ARID2: variants seen among roughly 807,000 people sequenced by gnomAD.
The protein encoded by ARID2 is AT-rich interaction domain 2.
A neutral mutation model predicts 184.6 loss-of-function variants in ARID2; 32 were observed. The ratio of observed to expected loss-of-function variants is 0.17; its 90% confidence interval spans 0.13 to 0.23. The LOEUF (loss-of-function observed/expected upper bound fraction) is 0.23, where lower values mean the gene tolerates loss of function less well. ARID2 is among the 10% of genes least tolerant of loss of function. The pLI, the probability that ARID2 is intolerant of heterozygous loss-of-function variation, is 1.00. For synonymous variants in ARID2, 836 were observed against 772.6 expected, an observed-to-expected ratio of 1.08 and a Z score of -1.36; for missense variants, 1,696 against 2,197.6, an observed-to-expected ratio of 0.77 and a Z score of 4.56.
rs533635070 is a variant in ARID2 at position 45,838,965 on chromosome 12, A to G, written c.1331-364A>G. On this transcript the variant is annotated intron_variant, in intron 10 of 20. Coordinates refer to ENST00000334344, the MANE Select transcript of ARID2 (RefSeq NM_152641.4). ...ACTGCAAGCTCCGCCTCCTGGGTTC[A>G]TGCCATTCTCCTGCCTCAGCCTTCC... Among the ~76,000 whole-genome samples, 300 of 150,248 alleles carry G rather than the reference A, an allele frequency of 2.0e-3. 2 individuals are homozygous for G. The highest frequency in any genetic ancestry group is 7.1e-3 in the African/African-American group (290 of 40,768).
intron 16 of ARID2, among the ~76,000 whole-genome samples, chr12:45,886,512 G>GTA: frequency 6.6e-6 from 1 of 152,338 alleles, no homozygotes; most frequent in African/African-American, 2.4e-5. Context: ...GCTCCACTAG[G>GTA]TAGTGTCCCA....
At chr12:45,791,741 G>A (rs565927965) in intron 3 of ARID2, among the ~76,000 whole-genome samples, 13 of 152,142 alleles carry the variant, frequency 8.5e-5, no homozygotes, top group Non-Finnish European at 1.8e-4. Context: ...ACTCACAGGC[G>A]TGCATCACTG....
chr12:45,747,992 G>T (rs576280600), intron 3 of ARID2, among the ~76,000 whole-genome samples: 1 of 152,198 alleles, frequency 6.6e-6, no homozygotes, highest in South Asian at 2.1e-4. Context: ...TGAATTTTTT[G>T]GTTTCCCAGT....
In ARID2 at chr12:45,863,214, T is replaced by G. The variant is rs547277650; in HGVS notation, c.4922+2265T>G. ...GGAATTTTTCATGCTAAAATAAACC[T>G]GTCAGAATGTTAAGAGCAAGCACAG... On this transcript the variant is annotated intron_variant, in intron 16 of 20. Coordinates refer to ENST00000334344, the MANE Select transcript of ARID2 (RefSeq NM_152641.4). Among the ~76,000 whole-genome samples the G allele has an allele frequency of 2.6e-5, 4 of 152,324 alleles. No individual in the cohort carries two copies. The East Asian group carries it at 7.7e-4, about 29-fold the overall frequency.
intron 3 of ARID2, among the ~76,000 whole-genome samples, chr12:45,750,166 G>A (rs774678590): frequency 6.6e-6 from 1 of 152,146 alleles, no homozygotes; most frequent in South Asian, 2.1e-4. Flanking sequence ...TCACTTGAAC[G>A]CTTAGAGGCC....
At chr12:45,800,529 T>C (rs1565600984) in intron 3 of ARID2, among the ~76,000 whole-genome samples, 1 of 152,084 alleles carries the variant, frequency 6.6e-6, no homozygotes, top group Non-Finnish European at 1.5e-5. Flanking sequence ...AACGTGTGCA[T>C]GCATTTGTTT....
chr12:45,851,996 A>G lies in ARID2; in HGVS notation c.3873A>G (p.Gly1291=), dbSNP rs765662714. 6.2e-7 allele frequency: 1 copy of G among 1,614,162 alleles called. No individual in the cohort carries two copies. Among genetic ancestry groups the G allele is most frequent in the African/African-American group, 1.3e-5 (1 of 75,066 alleles). The change falls in exon 15 of 21, where the codon GGA becomes GGG. Residue 1291 remains glycine (G), a synonymous_variant. Coordinates refer to ENST00000334344, the MANE Select transcript of ARID2 (RefSeq NM_152641.4). ...CAAAGGAAAATGAAATGCATGTGGG[A>G]AGTCTTTTAAATGGGAGAAAGTACA... ...GDTKENEMHV[G]SLLNGRKYSD...
chr12:45,773,906 G>A (rs554292177), intron 3 of ARID2, among the ~76,000 whole-genome samples: 25 of 152,212 alleles, frequency 1.6e-4, no homozygotes, highest in African/African-American at 5.5e-4. Context: ...GTTGGTGTGG[G>A]AATGGGTAAC....
chr12:45,829,684 CTT>C (rs1943072312), intron 6 of ARID2, among the ~76,000 whole-genome samples: 1 of 149,424 alleles, frequency 6.7e-6, no homozygotes, highest in Non-Finnish European at 1.5e-5. Context: ...TCTAGGTTAT[CTT>C]GTCTTTATTT....
At position 45,860,825 on chromosome 12, in the gene ARID2, G is replaced by C. The variant is rs1943731530; in HGVS notation, c.4798G>C (p.Ala1600Pro). 1 of 1,594,982 alleles carries C rather than the reference G, an allele frequency of 6.3e-7. No homozygotes were observed. Among genetic ancestry groups the C allele is most frequent in the Non-Finnish European group, 8.5e-7 (1 of 1,170,650 alleles). Reference protein sequence around the residue: ...PQNTPMPPSPAVQVQGQPNSS... With the variant: ...PQNTPMPPSPPVQVQGQPNSS... The stretch of plus-strand genomic sequence containing the variant: ...GAACACTCCTATGCCACCTTCACCA[G>C]CTGTACAAGTGCAGGGCCAGCCTAA... Residue 1600 changes from alanine (A) to proline (P), a missense_variant, in exon 16 of 21, where the codon GCT (alanine) becomes CCT (proline). By Grantham distance (27) the Ala-to-Pro change is conservative. Transcript: ENST00000334344.
intron 2 of ARID2, among the ~76,000 whole-genome samples, chr12:45,730,444 G>A (rs1046915805): frequency 7.4e-5 from 11 of 147,816 alleles, no homozygotes; most frequent in African/African-American, 2.4e-4. Context: ...CGTGCGGGGC[G>A]CCAGCCTGAG....
chr12:45,857,260 A>G (rs1943666524), intron 15 of ARID2, among the ~76,000 whole-genome samples: 1 of 152,204 alleles, frequency 6.6e-6, no homozygotes, highest in Non-Finnish European at 1.5e-5. Flanking sequence ...AACATGGAAT[A>G]TTGGTATCTT....
In ARID2 at chr12:45,836,601, A is replaced by G; in HGVS notation, c.718A>G (p.Ile240Val). The G allele has an allele frequency of 1.2e-6, 2 of 1,609,832 alleles. No individual in the cohort carries two copies. Among genetic ancestry groups the G allele is most frequent in the Non-Finnish European group, 1.7e-6 (2 of 1,178,574 alleles). ...DRDFVKFWKD[I>V]VDDNEVRDLI... ...TTTATCATTACAGTTTTGGAAAGAC[A>G]TCGTTGATGATAATGAAGTTCGTGA... The change falls in exon 7 of 21, where the codon ATC becomes GTC. Residue 240 changes from isoleucine to valine, a missense_variant. Physicochemically the swap from Ile to Val is conservative, Grantham distance 29. Transcript: ENST00000334344.
intron 15 of ARID2, among the ~76,000 whole-genome samples, chr12:45,858,092 G>A (rs1943682761): frequency 1.3e-5 from 2 of 152,156 alleles, no homozygotes; most frequent in Admixed American, 6.5e-5. Context: ...CACATTCAGA[G>A]TAAATACAAT....
chr12:45,774,080 A>G (rs1205798375), intron 3 of ARID2, among the ~76,000 whole-genome samples: 1 of 152,166 alleles, frequency 6.6e-6, no homozygotes, highest in Non-Finnish European at 1.5e-5. Context: ...AAGACATTGT[A>G]TTGCCTGAGT....
chr12:45,860,722 C>G (rs183616884), intron 15 of ARID2, 79 bp from the exon 16 acceptor site: 17,029 of 1,220,980 alleles, frequency 0.014, 143 homozygotes, highest in Non-Finnish European at 0.016. Flanking sequence ...ACAACATAAT[C>G]AAATTTATAA....
intron 3 of ARID2, among the ~76,000 whole-genome samples, chr12:45,731,975 TCTCC>T: frequency 6.6e-6 from 1 of 152,088 alleles, no homozygotes; most frequent in African/African-American, 2.4e-5. Flanking sequence ...TTTCTTTCAT[TCTCC>T]CTCTTCTTCT....
chr12:45,832,581 A>G (rs1255445803), intron 6 of ARID2, among the ~76,000 whole-genome samples: 4 of 152,100 alleles, frequency 2.6e-5, no homozygotes, highest in Admixed American at 6.5e-5. Flanking sequence ...AGTTCAAGCA[A>G]TCCTCCTGCC....
intron 6 of ARID2, among the ~76,000 whole-genome samples, chr12:45,835,521 T>C (rs769096572): frequency 6.6e-6 from 1 of 152,198 alleles, no homozygotes; most frequent in South Asian, 2.1e-4. Flanking sequence ...CCAGTTGTTT[T>C]GAAATATACA....
Sources: gnomAD v4.1 joint callset for allele counts (sites outside exome capture counted in the v4.1 genomes callset) on GRCh38, gnomAD v4.1.1 for gene constraint, MANE v1.5 for transcripts, NCBI Gene and HGNC (gene_info 2026-07-23, HGNC 2026-07-21) for gene names.